Variants in EYS observed in about 807,000 individuals in gnomAD.
The protein encoded by EYS is EGF-like photoreceptor maintenance factor.
A neutral mutation model predicts 282.1 loss-of-function variants in EYS; 250 were observed. The observed-to-expected ratio is 0.89, with a 90% confidence interval of 0.80 to 0.98. The LOEUF (loss-of-function observed/expected upper bound fraction) is 0.98. EYS is among the 50% of genes least tolerant of loss of function. The pLI, the probability that EYS is intolerant of heterozygous loss-of-function variation, is 0.00. For synonymous variants in EYS, 1,355 were observed against 1,282.9 expected (o/e 1.06, Z -1.20); for missense variants, 4,016 against 3,709.0 (o/e 1.08, Z -2.15).
chr6:65,336,834 G>A (rs1770007417), intron 10 of EYS, among the ~76,000 whole-genome samples: 1 of 151,606 alleles, frequency 6.6e-6, no homozygotes, highest in South Asian at 2.1e-4. Flanking sequence ...GGATTCACCT[G>A]ATGGTTAGGT....
At chr6:64,728,886 G>A (rs1276729105) in intron 22 of EYS, 2 of 152,310 alleles carry the variant, frequency 1.3e-5, no homozygotes, top group African/African-American at 2.4e-5. Flanking sequence ...ATGGCTCTCT[G>A]TGGGGAGGGG....
Position 65,475,433 on chromosome 6 carries a change from G to A in EYS, c.862+15161C>T, listed in dbSNP as rs116698735. Reference sequence around the variant, plus strand: ...ATATTTTGAAATTTTAAAATAAACCGAAAATTCAAAATTATAGGCTAAATT... The same window carrying A: ...ATATTTTGAAATTTTAAAATAAACCAAAAATTCAAAATTATAGGCTAAATT... On this transcript the variant is annotated intron_variant, in intron 5 of 42. Transcript: ENST00000503581. Among the ~76,000 whole-genome samples the A allele has an allele frequency of 8.6e-3, 1,302 of 151,956 alleles. 17 individuals are homozygous for A. The highest frequency in any genetic ancestry group is 0.03 in the African/African-American group (1,239 of 41,490).
intron 2 of EYS, among the ~76,000 whole-genome samples, chr6:65,577,589 C>G (rs1764716790): frequency 6.6e-6 from 1 of 151,678 alleles, no homozygotes; most frequent in African/African-American, 2.4e-5. Context: ...TTACATTAAA[C>G]TAAAAAGTTT....
At chr6:65,231,906 C>T (rs1766793026) in intron 12 of EYS, among the ~76,000 whole-genome samples, 1 of 151,868 alleles carries the variant, frequency 6.6e-6, no homozygotes, top group Non-Finnish European at 1.5e-5. Context: ...ATAAAGGCTT[C>T]TCCTGAGATT....
At chr6:65,556,789 T>C (rs1391265259) in intron 2 of EYS, among the ~76,000 whole-genome samples, 1 of 152,186 alleles carries the variant, frequency 6.6e-6, no homozygotes, top group Non-Finnish European at 1.5e-5. Context: ...AGGTTGCTGG[T>C]ACTTTTATCT....
chr6:65,228,985 C>T (rs1766699884), intron 12 of EYS, among the ~76,000 whole-genome samples: 1 of 151,902 alleles, frequency 6.6e-6, no homozygotes. Flanking sequence ...TTAATCCATA[C>T]CTTGCAAGAT....
chr6:65,076,815 A>G (rs1280223724), intron 12 of EYS, among the ~76,000 whole-genome samples: 2 of 152,002 alleles, frequency 1.3e-5, no homozygotes. Flanking sequence ...AAAGAGAGGC[A>G]GGCAGTTGAT....
chr6:65,422,287 T>G (rs1767496208), intron 5 of EYS, among the ~76,000 whole-genome samples: 1 of 151,940 alleles, frequency 6.6e-6, no homozygotes, highest in Non-Finnish European at 1.5e-5. Flanking sequence ...CTCAAGAAGT[T>G]ATTGTAACTT....
chr6:65,679,933 C>T (rs1768758635), intron 1 of EYS, among the ~76,000 whole-genome samples: 1 of 151,898 alleles, frequency 6.6e-6, no homozygotes, highest in Admixed American at 6.6e-5. Flanking sequence ...TATCTAAGAA[C>T]ATCTCCAGAC....
At chr6:64,000,359 T>C (rs1768036849) in intron 33 of EYS, among the ~76,000 whole-genome samples, 1 of 149,538 alleles carries the variant, frequency 6.7e-6, no homozygotes, top group Non-Finnish European at 1.5e-5. Context: ...GCCAGGCTAA[T>C]TTTTTTTTGT....
At chr6:64,710,601 C>T (rs1339024135) in intron 22 of EYS, among the ~76,000 whole-genome samples, 1 of 152,214 alleles carries the variant, frequency 6.6e-6, no homozygotes. Flanking sequence ...TGCTTCCTTC[C>T]TGTGTTTCCT....
At chr6:64,885,887 C>A (rs4710506) in intron 19 of EYS, among the ~76,000 whole-genome samples, 20 of 151,262 alleles carry the variant, frequency 1.3e-4, no homozygotes, top group Non-Finnish European at 1.5e-4. Flanking sequence ...TTATTTTATC[C>A]CTGCTGGCAG....
intron 5 of EYS, chr6:65,489,460 A>G (rs2127265106): frequency 6.6e-6 from 1 of 152,340 alleles, no homozygotes; most frequent in African/African-American, 2.4e-5. Flanking sequence ...GGTGATCATT[A>G]AAAAGTCAGG....
At chr6:64,274,222 C>A (rs1002418648) in intron 30 of EYS, among the ~76,000 whole-genome samples, 1 of 152,188 alleles carries the variant, frequency 6.6e-6, no homozygotes, top group African/African-American at 2.4e-5. Flanking sequence ...CCTTGACCTG[C>A]CTGAGTGCAG....
In EYS at chr6:63,971,365, A is replaced by G. The variant is rs1366590217; in HGVS notation, c.7055+13018T>C. Among the ~76,000 whole-genome samples, 3 of 152,360 alleles carry G rather than the reference A, an allele frequency of 2.0e-5. No homozygotes were observed. The East Asian group carries it at 5.8e-4, about 29-fold the overall frequency. On this transcript the variant is annotated intron_variant, in intron 35 of 42. Coordinates refer to ENST00000503581, the MANE Select transcript of EYS (RefSeq NM_001142800.2). Reference sequence around the variant, plus strand: ...AGATGTTTAATACATACAATGATAGAGTATAAAACAGGAAAATAATCCTCA... The same window carrying G: ...AGATGTTTAATACATACAATGATAGGGTATAAAACAGGAAAATAATCCTCA...
chr6:64,920,259 G>A (rs1768297018), intron 15 of EYS, among the ~76,000 whole-genome samples: 1 of 152,022 alleles, frequency 6.6e-6, no homozygotes, highest in Non-Finnish European at 1.5e-5. Flanking sequence ...GCTCAAAAAG[G>A]CTGACTACAT....
At position 64,664,128 on chromosome 6, in the gene EYS, C is replaced by A. The variant is rs560327097; in HGVS notation, c.3444-37883G>T. ...ATAACTCAGCTCCAGCTGGAACAAACATGGACCAGCAGAGTATGCAGTTGC... is the reference window on the plus strand; with the variant it reads ...ATAACTCAGCTCCAGCTGGAACAAAAATGGACCAGCAGAGTATGCAGTTGC... On this transcript the variant is annotated intron_variant, in intron 22 of 42. Coordinates refer to ENST00000503581, the MANE Select transcript of EYS (RefSeq NM_001142800.2). Among the ~76,000 whole-genome samples the A allele has an allele frequency of 3.9e-5, 6 of 152,336 alleles. No homozygotes were observed. The East Asian group carries it at 1.2e-3, about 29-fold the overall frequency.
chr6:65,449,392 A>T (rs1380144440), intron 5 of EYS, among the ~76,000 whole-genome samples: 4 of 152,098 alleles, frequency 2.6e-5, no homozygotes, highest in African/African-American at 9.6e-5. Context: ...ATAATTTCTT[A>T]GGAGATTTTT....
intron 19 of EYS, among the ~76,000 whole-genome samples, chr6:64,877,463 A>G (rs1160923278): frequency 6.6e-6 from 1 of 152,200 alleles, no homozygotes; most frequent in Non-Finnish European, 1.5e-5. Context: ...CATATCTAAA[A>G]ATAGAAATAA....
Sources: gnomAD v4.1 joint callset for allele counts (sites outside exome capture counted in the v4.1 genomes callset) on GRCh38, gnomAD v4.1.1 for gene constraint, MANE v1.5 for transcripts, NCBI Gene and HGNC (gene_info 2026-07-23, HGNC 2026-07-21) for gene names.